The following CHMP4A variants were observed in gnomAD, a reference collection of about 807,000 sequenced individuals.
CHMP4A encodes the protein charged multivesicular body protein 4A.
Under a neutral mutation model 28.2 loss-of-function variants are expected in CHMP4A, and 29 were observed. The observed-to-expected ratio is 1.03, with a 90% CI of 0.77 to 1.40. The LOEUF is 1.40. Among genes scored for constraint, CHMP4A ranks in the 40% most tolerant of loss-of-function variants. CHMP4A has a pLI of 0.00. For missense variants in CHMP4A, 241 were observed against 263.5 expected (o/e 0.91, Z 0.59); for synonymous variants, 88 against 99.3 (o/e 0.89, Z 0.67).
In CHMP4A at chr14:24,210,257, C is replaced by G. The variant is rs998885041; in HGVS notation, c.610+91G>C. The G allele has an allele frequency of 2.0e-6, 3 of 1,511,172 alleles. No homozygotes were observed. In the African/African-American group the frequency reaches 4.2e-5, roughly 21 times the overall value. 93.6% of individuals were successfully genotyped at this position (1,511,172 alleles called of 1,614,324 possible). A position where few individuals can be genotyped will look rare whatever the true frequency, so the allele number is the denominator to read the frequency against. The stretch of plus-strand genomic sequence containing the variant: ...TGCAGCAGCAGCCCTTTCTGTGTGG[C>G]TCCTTTGAGGCAGGATGGATGAGGA... On this transcript the variant is annotated intron_variant, in intron 5 of 5. Coordinates refer to ENST00000347519, the MANE Select transcript of CHMP4A (RefSeq NM_014169.5).
intron 1 of CHMP4A, chr14:24,212,675 C>G (rs1381807871): frequency 9.8e-6 from 3 of 307,456 alleles, no homozygotes; most frequent in Non-Finnish European, 1.9e-5. Context: ...CTGTCTCAGC[C>G]TCCCCCAGTA....
chr14:24,212,341 C>T (rs1378605044), intron 1 of CHMP4A, among the ~76,000 whole-genome samples: 4 of 152,234 alleles, frequency 2.6e-5, no homozygotes, highest in African/African-American at 9.6e-5. Context: ...GTGATCTGCC[C>T]GCCTCGGCCT....
chr14:24,212,637 C>T (rs936354277), intron 1 of CHMP4A: 1 of 373,250 alleles, frequency 2.7e-6, no homozygotes, highest in Non-Finnish European at 5.2e-6. Flanking sequence ...TCACTACAAC[C>T]TCCGCCTCCT....
chr14:24,210,399 GTTC>G lies in CHMP4A; in HGVS notation c.556_558del (p.Glu186del), dbSNP rs752400115. The G allele has an allele frequency of 6.2e-7, 1 of 1,614,102 alleles. No homozygotes were observed. Among genetic ancestry groups the G allele is most frequent in the South Asian group, 1.1e-5 (1 of 91,076 alleles). ...GGTACACTAGGCAATTTGACTGAGG[GTTC>G]TTCTTCCTTGTCGCCCACATTTAAC... On this transcript the variant is annotated inframe_deletion, in exon 5 of 6. Transcript: ENST00000347519.
At chr14:24,210,295 C>T (rs1381709953) in intron 5 of CHMP4A, 53 bp downstream of exon 5, 2 of 1,584,750 alleles carry the variant, frequency 1.3e-6, no homozygotes, top group African/African-American at 2.7e-5. Flanking sequence ...AATCTTTCCC[C>T]ATATCTCTCC....
At chr14:24,212,703 G>C in intron 1 of CHMP4A, 1 of 64,942 alleles carries the variant, frequency 1.5e-5, no homozygotes, top group Non-Finnish European at 4.0e-5. Flanking sequence ...CTACAGGCGC[G>C]TGCCACCACA....
intron 3 of CHMP4A, 135 bp from the exon 4 acceptor site, chr14:24,210,903 G>T: frequency 3.0e-6 from 2 of 672,474 alleles, no homozygotes; most frequent in Non-Finnish European, 5.2e-6. Context: ...AGAGATCCCT[G>T]GAAAATTGCA....
chr14:24,210,912 CA>C, intron 3 of CHMP4A, 144 bp from the exon 4 acceptor site: 2 of 651,664 alleles, frequency 3.1e-6, no homozygotes, highest in Non-Finnish European at 5.4e-6. Context: ...TGGAAAATTG[CA>C]AAGATGCAAG....
Position 24,211,819 on chromosome 14 carries a change from CT to C in CHMP4A, c.41del (p.Glu14GlyfsTer13). 6.2e-7 allele frequency: 1 copy of C among 1,613,262 alleles called. No homozygotes were observed. The highest frequency in any genetic ancestry group is 8.5e-7 in the Non-Finnish European group (1 of 1,179,794). Reference protein sequence around the residue: ...LGRLFGKGKKEKGPTPEEAIQ... With the variant: ...LGRLFGKGKKXKGPTPEEAIQ... ...TTGCTTCTTCAGGGGTTGGCCCTTT[CT>C]CCTTCTTCCCTGAGGAGTCCAGTGG... On this transcript the variant is annotated frameshift_variant, in exon 2 of 6. Coordinates refer to ENST00000347519, the MANE Select transcript of CHMP4A (RefSeq NM_014169.5). LOFTEE classifies it high-confidence loss of function.
chr14:24,210,620 C>G, intron 4 of CHMP4A, 34 bp downstream of exon 4: 1 of 1,599,508 alleles, frequency 6.3e-7, no homozygotes, highest in East Asian at 2.2e-5. Flanking sequence ...CCCATACTTT[C>G]TGCAATATTC....
At chr14:24,213,262 G>A (rs1173633803) in intron 1 of CHMP4A, 147 bp downstream of exon 1, 2 of 986,370 alleles carry the variant, frequency 2.0e-6, no homozygotes, top group Non-Finnish European at 2.8e-6. Flanking sequence ...GCCTTGCTCC[G>A]CCATCGGCCG....
intron 3 of CHMP4A, 131 bp from the exon 4 acceptor site, chr14:24,210,899 C>T: frequency 1.5e-6 from 1 of 689,594 alleles, no homozygotes; most frequent in South Asian, 1.7e-5. Context: ...CAGAAGAGAT[C>T]CCTGGAAAAT....
chr14:24,211,814 C>T lies in CHMP4A; in HGVS notation c.47G>A (p.Gly16Glu). Reference protein sequence around the residue: ...RLFGKGKKEKGPTPEEAIQKL... With the variant: ...RLFGKGKKEKEPTPEEAIQKL... ...CTGTATTGCTTCTTCAGGGGTTGGCCCTTTCTCCTTCTTCCCTGAGGAGTC... is the reference window on the plus strand; with the variant it reads ...CTGTATTGCTTCTTCAGGGGTTGGCTCTTTCTCCTTCTTCCCTGAGGAGTC... Residue 16 changes from glycine to glutamate, a missense_variant, in exon 2 of 6, where the codon GGG becomes GAG. By Grantham distance (98) the Gly-to-Glu change is moderately conservative (BLOSUM62 -2). Coordinates refer to ENST00000347519, the MANE Select transcript of CHMP4A (RefSeq NM_014169.5). 6.2e-7 allele frequency: 1 copy of T among 1,613,398 alleles called. No homozygotes were observed. Among genetic ancestry groups the T allele is most frequent in the Non-Finnish European group, 8.5e-7 (1 of 1,179,830 alleles).
At position 24,211,652 on chromosome 14, in the gene CHMP4A, C is replaced by T. The variant is rs751364719; in HGVS notation, c.181+28G>A. Reference sequence around the variant, plus strand: ...GAAGCACCTGCTTCCCATCTGGGCCCTCCCCATAGGCTTGTTTCCCTCATT... The same window carrying T: ...GAAGCACCTGCTTCCCATCTGGGCCTTCCCCATAGGCTTGTTTCCCTCATT... On this transcript the variant is annotated intron_variant, in intron 2 of 5. Transcript: ENST00000347519. 3.1e-6 allele frequency: 5 copies of T among 1,612,166 alleles called. No homozygotes were observed. The South Asian group carries it at 5.5e-5, about 18-fold the overall frequency.
chr14:24,211,631 CA>C, intron 2 of CHMP4A, 39 bp from the exon 3 acceptor site: 2 of 1,610,484 alleles, frequency 1.2e-6, no homozygotes, highest in Middle Eastern at 1.7e-4. Context: ...GAGTCAGAAG[CA>C]CCTGCTTCCC....
chr14:24,211,648 G>A (rs372362553), intron 2 of CHMP4A, 32 bp downstream of exon 2: 11 of 1,611,936 alleles, frequency 6.8e-6, no homozygotes, highest in Non-Finnish European at 9.3e-6. Context: ...TTCCCATCTG[G>A]GCCCTCCCCA....
In CHMP4A at chr14:24,211,551, G is replaced by A; in HGVS notation, c.223C>T (p.Gln75Ter). 6.2e-7 allele frequency: 1 copy of A among 1,613,838 alleles called. No homozygotes were observed. Among genetic ancestry groups the A allele is most frequent in the Non-Finnish European group, 8.5e-7 (1 of 1,179,712 alleles). Residue 75 changes from glutamine (Q) to a stop codon, truncating the protein, a stop_gained, in exon 3 of 6, where the codon CAG becomes TAG. Transcript: ENST00000347519. LOFTEE classifies it high-confidence loss of function. The stretch of plus-strand genomic sequence containing the variant: ...AATGTCCCGTCAGTTTGTGCCAGCT[G>A]CTGTTCGAATCTTTTCTTCCTCCGC... The part of the protein sequence containing the change: ...ALRRKKRFEQ[Q>*]LAQTDGTLST...
rs765685878 is a variant in CHMP4A at position 24,211,829 on chromosome 14, C to T, written c.32G>A (p.Gly11Glu). Reference protein sequence around the residue: MSGLGRLFGKGKKEKGPTPEE... With the variant: MSGLGRLFGKEKKEKGPTPEE... ...AGGGGTTGGCCCTTTCTCCTTCTTC[C>T]CTGAGGAGTCCAGTGGAGTAGGCCC... is the stretch of plus-strand genomic sequence containing the variant. Residue 11 changes from glycine to glutamate, a missense_variant and splice_region_variant, in exon 2 of 6, where the codon GGG (glycine) becomes GAG (glutamate). Physicochemically the swap from Gly to Glu is moderately conservative, Grantham distance 98. Coordinates refer to ENST00000347519, the MANE Select transcript of CHMP4A (RefSeq NM_014169.5). 2.5e-6 allele frequency: 4 copies of T among 1,609,404 alleles called. No individual in the cohort carries two copies. The highest frequency in any genetic ancestry group is 2.2e-5 in the East Asian group (1 of 44,846).
At chr14:24,213,338 A>T (rs2039615066) in intron 1 of CHMP4A, 71 bp downstream of exon 1, 3 of 1,451,936 alleles carry the variant, frequency 2.1e-6, no homozygotes, top group Non-Finnish European at 2.7e-6. Context: ...GTCCGGCCGA[A>T]TCTCGCCGGG....
Sources: gnomAD v4.1 joint callset for allele counts (sites outside exome capture counted in the v4.1 genomes callset) on GRCh38, gnomAD v4.1.1 for gene constraint, MANE v1.5 for transcripts, NCBI Gene and HGNC (gene_info 2026-07-23, HGNC 2026-07-21) for gene names.